G3BP2: variants seen among roughly 807,000 people sequenced by gnomAD.
G3BP2 encodes ras GTPase-activating protein-binding protein 2.
A neutral mutation model predicts 56.7 loss-of-function variants in G3BP2; 11 were observed. That is an observed-to-expected ratio of 0.19 (90% confidence interval 0.12 to 0.32). The LOEUF (loss-of-function observed/expected upper bound fraction) is 0.32, where lower values mean the gene tolerates loss of function less well. Ranked by LOEUF, G3BP2 falls within the 10% of genes least tolerant of loss-of-function variation. G3BP2 has a pLI of 1.00. For synonymous variants in G3BP2, 165 were observed against 191.6 expected (o/e 0.86, Z 1.15); for missense variants, 340 against 610.9 (o/e 0.56, Z 4.67).
chr4:75,671,362 T>C (rs1175812984), intron 1 of G3BP2, among the ~76,000 whole-genome samples: 2 of 152,316 alleles, frequency 1.3e-5, no homozygotes, highest in African/African-American at 2.4e-5. Flanking sequence ...ACAGCGATAA[T>C]TTTGCAGGAT....
chr4:75,668,800 C>G (rs1269779672), intron 1 of G3BP2, among the ~76,000 whole-genome samples: 2 of 152,190 alleles, frequency 1.3e-5, no homozygotes, highest in Non-Finnish European at 2.9e-5. Context: ...CCTTGAAAAT[C>G]TTTCTACTCC....
intron 3 of G3BP2, among the ~76,000 whole-genome samples, 194 bp downstream of exon 3, chr4:75,658,649 C>T (rs1341985971): frequency 6.6e-6 from 1 of 151,606 alleles, no homozygotes; most frequent in Non-Finnish European, 1.5e-5. Context: ...ACTGCTTGAA[C>T]CTGGGAGGCG....
chr4:75,716,255 C>T (rs530781942), intron 3 of G3BP2, among the ~76,000 whole-genome samples: 6 of 152,106 alleles, frequency 3.9e-5, no homozygotes, highest in South Asian at 4.2e-4. Context: ...CTGCAACCTC[C>T]GCCTCACAGG....
chr4:75,669,590 T>C (rs1006772104), intron 1 of G3BP2, among the ~76,000 whole-genome samples: 1 of 152,214 alleles, frequency 6.6e-6, no homozygotes, highest in African/African-American at 2.4e-5. Flanking sequence ...AACCAACCTT[T>C]CAAATTTATC....
chr4:75,658,482 G>C (rs377296699), intron 3 of G3BP2, among the ~76,000 whole-genome samples: 43 of 150,926 alleles, frequency 2.8e-4, no homozygotes, highest in African/African-American at 1.0e-3. Flanking sequence ...TGTAATCCCA[G>C]CACTTTGGGA....
chr4:75,679,492 A>C (rs1354316861), intron 3 of G3BP2, among the ~76,000 whole-genome samples: 2 of 152,234 alleles, frequency 1.3e-5, no homozygotes, highest in East Asian at 3.8e-4. Context: ...TCTCACATCC[A>C]GAAAAGTGCA....
intron 7 of G3BP2, 28 bp from the exon 8 acceptor site, chr4:75,654,109 A>C (rs1436447672): frequency 9.7e-7 from 1 of 1,026,636 alleles, no homozygotes; most frequent in South Asian, 1.3e-5. Flanking sequence ...AACCTAGACT[A>C]CTAATCATGG....
In G3BP2 at chr4:75,673,240, C is replaced by G. The variant is rs1011773027; in HGVS notation, c.-57G>C. 3.3e-6 allele frequency: 4 copies of G among 1,219,132 alleles called. No individual in the cohort carries two copies. Among genetic ancestry groups the G allele is most frequent in the Non-Finnish European group, 4.1e-6 (4 of 980,144 alleles). 75.5% of individuals were successfully genotyped at this position (1,219,132 alleles called of 1,614,324 possible). A position where few individuals can be genotyped will look rare whatever the true frequency, so the allele number is the denominator to read the frequency against. ...CAACGGCGGCGGCGGGTACGTCGCG[C>G]GGAGGTCAGAAGAGTCGCTGAGGAC... On this transcript the variant is annotated 5_prime_UTR_variant, in exon 1 of 12. Transcript: ENST00000359707.
At chr4:75,713,458 C>T (rs1002287331) in intron 3 of G3BP2, among the ~76,000 whole-genome samples, 1 of 151,980 alleles carries the variant, frequency 6.6e-6, no homozygotes, top group East Asian at 1.9e-4. Context: ...TGGAGAAGAC[C>T]GGTAGACAGT....
chr4:75,694,590 C>CA (rs1719023865), intron 3 of G3BP2, among the ~76,000 whole-genome samples: 1 of 151,940 alleles, frequency 6.6e-6, no homozygotes, highest in Non-Finnish European at 1.5e-5. Context: ...GACGACAGGG[C>CA]GAGACTCCGT....
intron 5 of G3BP2, among the ~76,000 whole-genome samples, chr4:75,656,218 C>T (rs896774738): frequency 6.6e-6 from 1 of 151,804 alleles, no homozygotes; most frequent in Admixed American, 6.6e-5. Context: ...TCCCGAACTC[C>T]TGGCCTCAAG....
intron 3 of G3BP2, among the ~76,000 whole-genome samples, chr4:75,710,276 G>C (rs1468559706): frequency 1.3e-5 from 2 of 152,052 alleles, no homozygotes; most frequent in African/African-American, 4.8e-5. Flanking sequence ...TCTCGAGTTG[G>C]TGGATGACGA....
intron 3 of G3BP2, among the ~76,000 whole-genome samples, chr4:75,680,519 GATTCCTGTTATAAA>G (rs1734031216): frequency 1.3e-5 from 2 of 152,180 alleles, no homozygotes; most frequent in Admixed American, 1.3e-4. Context: ...ATATGTGCAT[GATTCCTGTTATAAA>G]ACCGAGGCAA....
intron 3 of G3BP2, among the ~76,000 whole-genome samples, chr4:75,693,967 C>T (rs1718989661): frequency 6.6e-6 from 1 of 151,782 alleles, no homozygotes; most frequent in South Asian, 2.1e-4. Flanking sequence ...TCTTGAACTC[C>T]TAGTCTCAAG....
chr4:75,708,631 T>C (rs1719640185), intron 3 of G3BP2, among the ~76,000 whole-genome samples: 1 of 152,158 alleles, frequency 6.6e-6, no homozygotes, highest in Non-Finnish European at 1.5e-5. Context: ...ACAATAATGA[T>C]AATATGGTCC....
chr4:75,674,284 C>G (rs1024611912), upstream of G3BP2, among the ~76,000 whole-genome samples: 3 of 151,998 alleles, frequency 2.0e-5, no homozygotes, highest in African/African-American at 7.3e-5. Context: ...TTCAAAGAAA[C>G]GGAAAGGAAA....
At chr4:75,710,049 A>T (rs184197541) in intron 3 of G3BP2, among the ~76,000 whole-genome samples, 2 of 152,356 alleles carry the variant, frequency 1.3e-5, no homozygotes, top group Non-Finnish European at 2.9e-5. Flanking sequence ...CATACTAGGT[A>T]ATGTAATGTG....
At chr4:75,646,736 C>G (rs1018790833) in intron 10 of G3BP2, among the ~76,000 whole-genome samples, 1 of 152,070 alleles carries the variant, frequency 6.6e-6, no homozygotes, top group African/African-American at 2.4e-5. Context: ...GTATTTTCTC[C>G]TAATATATTG....
At chr4:75,711,442 G>A (rs992100698) in intron 3 of G3BP2, among the ~76,000 whole-genome samples, 1 of 151,974 alleles carries the variant, frequency 6.6e-6, no homozygotes, top group Non-Finnish European at 1.5e-5. Context: ...GCAGGGCATG[G>A]TGGCTCACGC....
Sources: gnomAD v4.1 joint callset for allele counts (sites outside exome capture counted in the v4.1 genomes callset) on GRCh38, gnomAD v4.1.1 for gene constraint, MANE v1.5 for transcripts, NCBI Gene and HGNC (gene_info 2026-07-23, HGNC 2026-07-21) for gene names.